The following KCNQ3 variants were observed in gnomAD, a reference collection of about 807,000 sequenced individuals.
KCNQ3 encodes the protein potassium voltage-gated channel subfamily KQT member 3.
Under a neutral mutation model 92.5 loss-of-function variants are expected in KCNQ3, and 30 were observed. The ratio of observed to expected loss-of-function variants is 0.32; its 90% CI spans 0.24 to 0.44. KCNQ3 has a LOEUF of 0.44. Ranked by LOEUF, KCNQ3 falls within the 20% of genes least tolerant of loss-of-function variation. The probability of loss-of-function intolerance (pLI) is 1.00; values close to 1 mark genes in which losing one functional copy is unlikely to be tolerated. For missense variants in KCNQ3, 913 were observed against 1,140.3 expected (o/e 0.80, Z 2.87); for synonymous variants, 450 against 468.8 (o/e 0.96, Z 0.52).
intron 1 of KCNQ3, among the ~76,000 whole-genome samples, chr8:132,433,325 TGA>T (rs1821301269): frequency 6.6e-6 from 1 of 152,186 alleles, no homozygotes. Context: ...GACTGATGTG[TGA>T]GTTTGTTCTG....
At chr8:132,136,522 G>T (rs1045266659) in intron 12 of KCNQ3, among the ~76,000 whole-genome samples, 2 of 152,172 alleles carry the variant, frequency 1.3e-5, no homozygotes, top group Non-Finnish European at 2.9e-5. Context: ...CAGTCTCTCA[G>T]GGGAAGTCTT....
At chr8:132,428,947 G>T (rs1450892693) in intron 1 of KCNQ3, among the ~76,000 whole-genome samples, 1 of 152,218 alleles carries the variant, frequency 6.6e-6, no homozygotes, top group East Asian at 1.9e-4. Flanking sequence ...AGGGACACCT[G>T]AGGGAGGTAA....
At chr8:132,387,779 T>G (rs1819926358) in intron 1 of KCNQ3, among the ~76,000 whole-genome samples, 1 of 152,100 alleles carries the variant, frequency 6.6e-6, no homozygotes, top group Non-Finnish European at 1.5e-5. Context: ...GGCAGGAGGA[T>G]CTCTTGAGTC....
intron 1 of KCNQ3, among the ~76,000 whole-genome samples, chr8:132,257,572 C>A (rs960286894): frequency 2.2e-4 from 33 of 151,612 alleles, no homozygotes; most frequent in African/African-American, 8.0e-4. Flanking sequence ...GGTGAAACCC[C>A]ATCTCTACTA....
rs924668079 is a variant in KCNQ3, at chr8:132,304,491, C to A, written c.387-118310G>T. Among the ~76,000 whole-genome samples the A allele has an allele frequency of 1.2e-4, 19 of 152,130 alleles. 2 individuals carry two copies. The highest frequency in any genetic ancestry group is 6.6e-4 in the Admixed American group (10 of 15,266). ...ATGTCTGAAATGCAGATAGTAAGAGCAGCCCTATAGAGTTATTTAGAGCAA... is the reference window on the plus strand; with the variant it reads ...ATGTCTGAAATGCAGATAGTAAGAGAAGCCCTATAGAGTTATTTAGAGCAA... On this transcript the variant is annotated intron_variant, in intron 1 of 14. Coordinates refer to ENST00000388996, the MANE Select transcript of KCNQ3 (RefSeq NM_004519.4).
intron 1 of KCNQ3, among the ~76,000 whole-genome samples, chr8:132,233,072 C>A (rs376693116): frequency 2.0e-5 from 3 of 152,150 alleles, no homozygotes; most frequent in South Asian, 2.1e-4. Context: ...AAATAAAATT[C>A]TTTCCTTTAG....
intron 1 of KCNQ3, among the ~76,000 whole-genome samples, chr8:132,448,168 A>G (rs1369902884): frequency 6.6e-6 from 1 of 152,156 alleles, no homozygotes; most frequent in Non-Finnish European, 1.5e-5. Context: ...CTGTCATGCC[A>G]TCTTATGATC....
intron 1 of KCNQ3, among the ~76,000 whole-genome samples, chr8:132,296,982 TTG>T (rs1408710554): frequency 6.6e-6 from 1 of 152,164 alleles, no homozygotes; most frequent in Non-Finnish European, 1.5e-5. Context: ...TCCACAATGG[TTG>T]AACTAGTTTA....
At chr8:132,348,804 T>C (rs1033144740) in intron 1 of KCNQ3, among the ~76,000 whole-genome samples, 13 of 152,200 alleles carry the variant, frequency 8.5e-5, no homozygotes, top group African/African-American at 2.9e-4. Context: ...TGTTCATTCC[T>C]TTGCCTTGCT....
intron 1 of KCNQ3, among the ~76,000 whole-genome samples, chr8:132,406,464 T>G (rs982150405): frequency 5.3e-5 from 8 of 152,104 alleles, no homozygotes; most frequent in African/African-American, 1.9e-4. Context: ...TTCTGCCTTC[T>G]TTGTCAGTCT....
chr8:132,379,022 C>A (rs984718442), intron 1 of KCNQ3, among the ~76,000 whole-genome samples: 4 of 152,172 alleles, frequency 2.6e-5, no homozygotes, highest in Non-Finnish European at 5.9e-5. Context: ...TTAACCAAGC[C>A]AGGACTTCTT....
chr8:132,177,383 G>C (rs1826597459), intron 4 of KCNQ3, among the ~76,000 whole-genome samples: 1 of 152,200 alleles, frequency 6.6e-6, no homozygotes, highest in Non-Finnish European at 1.5e-5. Flanking sequence ...TCTACCTGCT[G>C]AGGCTCCCCT....
At chr8:132,475,253 T>G (rs1822384043) in intron 1 of KCNQ3, among the ~76,000 whole-genome samples, 1 of 152,166 alleles carries the variant, frequency 6.6e-6, no homozygotes, top group Non-Finnish European at 1.5e-5. Context: ...GCCTGGAGTT[T>G]GGGGCACTCC....
chr8:132,328,974 A>G (rs1818149030), intron 1 of KCNQ3, among the ~76,000 whole-genome samples: 2 of 152,268 alleles, frequency 1.3e-5, no homozygotes, highest in South Asian at 4.1e-4. Context: ...CCGCCCATTC[A>G]GTTACTGAGC....
rs181946533 is a variant in KCNQ3 at position 132,438,083 on chromosome 8, T to C, written c.386+42064A>G. Among the ~76,000 whole-genome samples the C allele has an allele frequency of 1.3e-3, 193 of 152,328 alleles. 2 individuals carry two copies. Among genetic ancestry groups the C allele is most frequent in the African/African-American group, 4.3e-3 (179 of 41,578 alleles). On this transcript the variant is annotated intron_variant, in intron 1 of 14. Transcript: ENST00000388996. ...TCACAAAATAAAACAACTGAGATGG[T>C]GCCACATAATAAAAATTTTGTAAGG...
chr8:132,137,770 T>C (rs1337351490), intron 12 of KCNQ3, 115 bp downstream of exon 12: 2 of 1,297,914 alleles, frequency 1.5e-6, no homozygotes, highest in African/African-American at 2.9e-5. Context: ...TGGATATTTG[T>C]CTTCTTAAAA....
chr8:132,399,342 T>TAA (rs1820276288), intron 1 of KCNQ3, among the ~76,000 whole-genome samples: 1 of 152,164 alleles, frequency 6.6e-6, no homozygotes, highest in Admixed American at 6.5e-5. Context: ...AAAGCAGTTA[T>TAA]ATTAGATGAC....
chr8:132,378,168 T>C (rs1296769372), intron 1 of KCNQ3, among the ~76,000 whole-genome samples: 1 of 151,758 alleles, frequency 6.6e-6, no homozygotes. Context: ...CCACGGTGGG[T>C]GGATCGTTGG....
chr8:132,308,046 CTG>C, intron 1 of KCNQ3, among the ~76,000 whole-genome samples: 1 of 152,194 alleles, frequency 6.6e-6, no homozygotes, highest in Non-Finnish European at 1.5e-5. Flanking sequence ...TGGGGCTTCT[CTG>C]AGAGTTTTCA....
Sources: gnomAD v4.1 joint callset for allele counts (sites outside exome capture counted in the v4.1 genomes callset) on GRCh38, gnomAD v4.1.1 for gene constraint, MANE v1.5 for transcripts, NCBI Gene and HGNC (gene_info 2026-07-23, HGNC 2026-07-21) for gene names.